Variants in ATP8A2 observed in about 807,000 individuals in gnomAD.
The protein encoded by ATP8A2 is phospholipid-transporting ATPase IB.
ATP8A2 carries 100 observed loss-of-function variants against 165.6 expected under a neutral mutation model. The ratio of observed to expected loss-of-function variants is 0.60; its 90% CI spans 0.51 to 0.71. ATP8A2 has a LOEUF of 0.71. Ranked by LOEUF, ATP8A2 falls within the 30% of genes least tolerant of loss-of-function variation. The pLI is 0.00. For missense variants in ATP8A2, 1,227 were observed against 1,479.5 expected (o/e 0.83, Z 2.80); for synonymous variants, 543 against 548.8 (o/e 0.99, Z 0.15).
At position 25,510,174 on chromosome 13, in the gene ATP8A2, A is replaced by AACACAC. The variant is rs57755000; in HGVS notation, c.222-19783_222-19778dup. ...CCTTTGTCTGTTCCCGTCTGTCTGT[A>AACACAC]ACACACACACACACACACACACACA... On this transcript the variant is annotated intron_variant, in intron 2 of 36. Transcript: ENST00000381655. 9.2e-3 allele frequency among the ~76,000 whole-genome samples: 1,181 copies of AACACAC among 128,582 alleles called. 11 individuals carry two copies. The highest frequency in any genetic ancestry group is 0.013 in the African/African-American group (425 of 33,868). 84.4% of individuals were successfully genotyped at this position (128,582 alleles called of 152,430 possible). A position where few individuals can be genotyped will look rare whatever the true frequency, so the allele number is the denominator to read the frequency against.
intron 22 of ATP8A2, among the ~76,000 whole-genome samples, chr13:25,581,067 AT>A (rs1193157341): frequency 6.6e-6 from 1 of 152,178 alleles, no homozygotes; most frequent in Non-Finnish European, 1.5e-5. Flanking sequence ...TATTTTTAGA[AT>A]TAGAAAAAGG....
intron 24 of ATP8A2, among the ~76,000 whole-genome samples, chr13:25,691,480 A>G (rs1001191086): frequency 2.3e-4 from 35 of 152,346 alleles, no homozygotes; most frequent in African/African-American, 8.4e-4. Context: ...TTTTGGAAAT[A>G]GAAACATTTT....
chr13:25,749,388 A>C (rs753920841), intron 25 of ATP8A2, among the ~76,000 whole-genome samples: 2 of 152,190 alleles, frequency 1.3e-5, no homozygotes, highest in African/African-American at 2.4e-5. Context: ...AGGAGACGAC[A>C]CTGGAGGTGG....
intron 25 of ATP8A2, among the ~76,000 whole-genome samples, chr13:25,765,154 TC>T (rs1407251047): frequency 5.3e-5 from 8 of 152,214 alleles, no homozygotes; most frequent in Admixed American, 5.2e-4. Flanking sequence ...TTTGTAAGTC[TC>T]AAAAGAAAAA....
intron 1 of ATP8A2, among the ~76,000 whole-genome samples, chr13:25,401,055 G>A (rs561628339): frequency 2.6e-5 from 4 of 152,154 alleles, no homozygotes; most frequent in East Asian, 1.9e-4. Context: ...CTCTTCATTC[G>A]TAGAATAACT....
intron 34 of ATP8A2, among the ~76,000 whole-genome samples, chr13:25,965,810 C>A (rs1427297930): frequency 3.9e-5 from 6 of 152,176 alleles, no homozygotes. Flanking sequence ...AGAATGACTT[C>A]ATTTCCTTAT....
intron 1 of ATP8A2, among the ~76,000 whole-genome samples, chr13:25,461,585 C>T (rs1285203658): frequency 6.6e-6 from 1 of 152,142 alleles, no homozygotes; most frequent in African/African-American, 2.4e-5. Flanking sequence ...CACTTACATA[C>T]TTTTCAAGTA....
chr13:25,832,129 C>T (rs986341173), intron 28 of ATP8A2, among the ~76,000 whole-genome samples: 7 of 151,810 alleles, frequency 4.6e-5, no homozygotes, highest in South Asian at 2.1e-4. Flanking sequence ...TTAATAGAGA[C>T]GGGGTTTCAC....
At chr13:25,713,576 G>GTGATTCATAAGTTTTTGTTGTTTATAACT (rs2043195922) in intron 25 of ATP8A2, among the ~76,000 whole-genome samples, 2 of 152,096 alleles carry the variant, frequency 1.3e-5, no homozygotes, top group East Asian at 3.9e-4. Context: ...CTAGTAGTTA[G>GTGATTCATAAGTTTTTGTTGTTTATAACT]TGATTCATAA....
chr13:25,566,839 T>C (rs1443458401), intron 16 of ATP8A2, among the ~76,000 whole-genome samples: 3 of 152,212 alleles, frequency 2.0e-5, no homozygotes, highest in Non-Finnish European at 4.4e-5. Context: ...TCCTGTTCAC[T>C]GGGGAAGCAG....
At chr13:25,727,729 T>G (rs189812929) in intron 25 of ATP8A2, among the ~76,000 whole-genome samples, 167 of 152,358 alleles carry the variant, frequency 1.1e-3, no homozygotes, top group African/African-American at 3.9e-3. Context: ...GAAAATATTT[T>G]TTCAAGCCAG....
chr13:25,783,060 A>ATT (rs3981883), intron 27 of ATP8A2, among the ~76,000 whole-genome samples: 1 of 152,168 alleles, frequency 6.6e-6, no homozygotes, highest in South Asian at 2.1e-4. Flanking sequence ...AATATGTACT[A>ATT]TTTATTCTTG....
In ATP8A2 at chr13:25,750,400, A is replaced by G. The variant is rs2044128833; in HGVS notation, c.2385-18646A>G. Reference sequence around the variant, plus strand: ...TGCCCCCTCTTCCTTGGTTACTCTCATCTGTCTCTAGTTTTGGGCCATACA... The same window carrying G: ...TGCCCCCTCTTCCTTGGTTACTCTCGTCTGTCTCTAGTTTTGGGCCATACA... On this transcript the variant is annotated intron_variant, in intron 25 of 36. Coordinates refer to ENST00000381655, the MANE Select transcript of ATP8A2 (RefSeq NM_016529.6). This position sits in a 1 kb window ranked among gnomAD's most constrained non-coding sequence, Gnocchi z 4.3. 6.6e-6 allele frequency among the ~76,000 whole-genome samples: 1 copy of G among 152,022 alleles called. No individual in the cohort carries two copies. The highest frequency in any genetic ancestry group is 6.5e-5 in the Admixed American group (1 of 15,272).
rs772094649 is a variant in ATP8A2 at position 25,953,522 on chromosome 13, T to C, written c.3184-8053T>C. Among the ~76,000 whole-genome samples the C allele has an allele frequency of 5.3e-5, 5 of 94,960 alleles. No homozygotes were observed. The highest frequency in any genetic ancestry group is 1.0e-4 in the Non-Finnish European group (5 of 49,020). 62.3% of individuals were successfully genotyped at this position (94,960 alleles called of 152,430 possible). The stretch of plus-strand genomic sequence containing the variant: ...GTAGCCCTGGTTACTCCAGCCTTTT[T>C]AAAAAAAAAAAAAAAAAAAAAAAAG... On this transcript the variant is annotated intron_variant, in intron 33 of 36. Coordinates refer to ENST00000381655, the MANE Select transcript of ATP8A2 (RefSeq NM_016529.6). The surrounding 1 kb of genome is among the most constrained non-coding windows in gnomAD (Gnocchi z 6.7).
chr13:25,819,005 A>G (rs1951096021), intron 27 of ATP8A2, among the ~76,000 whole-genome samples: 1 of 152,212 alleles, frequency 6.6e-6, no homozygotes, highest in African/African-American at 2.4e-5. Context: ...TTACACTGAT[A>G]ATAAAAATGT....
At chr13:25,608,788 A>T (rs2040582165) in intron 24 of ATP8A2, among the ~76,000 whole-genome samples, 3 of 152,210 alleles carry the variant, frequency 2.0e-5, no homozygotes, top group Admixed American at 6.5e-5. Context: ...TGACCATACA[A>T]ATCATAAAGT....
chr13:25,949,141 A>G (rs1293990426), intron 33 of ATP8A2, among the ~76,000 whole-genome samples: 1 of 152,190 alleles, frequency 6.6e-6, no homozygotes, highest in Non-Finnish European at 1.5e-5. Context: ...GCGTGTGTTC[A>G]GGTAGTGCAG....
intron 33 of ATP8A2, among the ~76,000 whole-genome samples, chr13:25,869,911 G>T (rs796904580): frequency 2.0e-4 from 30 of 152,334 alleles, no homozygotes; most frequent in African/African-American, 6.7e-4. Context: ...AACCAGCTCA[G>T]TTAGACCCTC....
intron 33 of ATP8A2, among the ~76,000 whole-genome samples, chr13:25,870,652 T>C (rs1952649231): frequency 6.6e-6 from 1 of 151,872 alleles, no homozygotes; most frequent in South Asian, 2.1e-4. Flanking sequence ...AGGCAGGGAG[T>C]AGAGTGGCTG....
Sources: gnomAD v4.1 joint callset for allele counts (sites outside exome capture counted in the v4.1 genomes callset) on GRCh38, gnomAD v4.1.1 for gene constraint, Gnocchi (gnomAD v3.1) non-coding constraint, MANE v1.5 for transcripts, NCBI Gene and HGNC (gene_info 2026-07-23, HGNC 2026-07-21) for gene names.